AEBP2: variants seen among roughly 807,000 people sequenced by gnomAD.
The protein encoded by AEBP2 is zinc finger protein AEBP2.
In AEBP2, 10 loss-of-function variants were observed where a neutral mutation model predicts 50.8. That is an observed-to-expected ratio of 0.20 (90% CI 0.12 to 0.33). The LOEUF (loss-of-function observed/expected upper bound fraction) is 0.33. Ranked by LOEUF, AEBP2 falls within the 10% of genes least tolerant of loss-of-function variation. The probability of loss-of-function intolerance (pLI) is 1.00; values close to 1 mark genes in which losing one functional copy is unlikely to be tolerated. For missense variants in AEBP2, 570 were observed against 688.0 expected, an observed-to-expected ratio of 0.83 and a Z score of 1.92; for synonymous variants, 296 against 261.3, an observed-to-expected ratio of 1.13 and a Z score of -1.28.
At chr12:19,508,949 G>A (rs553034153) in intron 5 of AEBP2, 4 of 462,300 alleles carry the variant, frequency 8.7e-6, no homozygotes, top group African/African-American at 7.8e-5. Flanking sequence ...CTACAATACA[G>A]CCTCTAACAA....
intron 4 of AEBP2, among the ~76,000 whole-genome samples, chr12:19,497,326 GTGTTTT>G (rs202044016): frequency 4.8e-4 from 29 of 60,254 alleles, no homozygotes; most frequent in African/African-American, 2.2e-3. Flanking sequence ...GTTTCCAAAG[GTGTTTT>G]TTTTTTTTTT....
intron 1 of AEBP2, among the ~76,000 whole-genome samples, chr12:19,433,668 T>C (rs916223022): frequency 1.3e-5 from 2 of 151,610 alleles, no homozygotes; most frequent in East Asian, 2.0e-4. Flanking sequence ...TGATCCCAGC[T>C]ACTCGGGAGG....
At chr12:19,517,539 A>C (rs1383026480) in intron 7 of AEBP2, among the ~76,000 whole-genome samples, 3 of 152,264 alleles carry the variant, frequency 2.0e-5, no homozygotes, top group African/African-American at 7.2e-5. Flanking sequence ...TAAAGTATAC[A>C]GAAGGATGTA....
intron 1 of AEBP2, chr12:19,457,270 TCAC>T (rs1948285425): frequency 1.9e-6 from 3 of 1,585,478 alleles, no homozygotes; most frequent in Non-Finnish European, 2.6e-6. Context: ...AGCTTCAAAT[TCAC>T]CAACACTGGC....
chr12:19,427,628 G>C (rs2095749232), intron 1 of AEBP2, among the ~76,000 whole-genome samples: 1 of 151,474 alleles, frequency 6.6e-6, no homozygotes, highest in Admixed American at 6.6e-5. Context: ...CTTTCCTATT[G>C]CCCTTGTTTC....
At chr12:19,418,456 C>A (rs1340818494) in intron 1 of AEBP2, among the ~76,000 whole-genome samples, 1 of 140,676 alleles carries the variant, frequency 7.1e-6, no homozygotes, top group Non-Finnish European at 1.5e-5. Flanking sequence ...GTCTTGAACT[C>A]CTGGGCTCAA....
intron 3 of AEBP2, among the ~76,000 whole-genome samples, chr12:19,481,092 CTTTTTTTTT>C (rs71067027): frequency 1.4e-5 from 1 of 74,054 alleles, no homozygotes; most frequent in South Asian, 6.9e-4. Context: ...GCAGTGCATC[CTTTTTTTTT>C]TTTTTTTTTT....
chr12:19,509,028 CA>C (rs1949194742), intron 5 of AEBP2: 2 of 576,178 alleles, frequency 3.5e-6, no homozygotes, highest in African/African-American at 1.9e-5. Context: ...GGGAAAGCAC[CA>C]AAATCTGCAT....
At chr12:19,428,040 C>T (rs1252645977) in intron 1 of AEBP2, among the ~76,000 whole-genome samples, 1 of 151,962 alleles carries the variant, frequency 6.6e-6, no homozygotes, top group African/African-American at 2.4e-5. Context: ...AGTTCGAGAC[C>T]AGCCTGGGCA....
intron 1 of AEBP2, chr12:19,457,272 A>G: frequency 1.9e-6 from 3 of 1,584,586 alleles, no homozygotes; most frequent in Admixed American, 1.7e-5. Flanking sequence ...CTTCAAATTC[A>G]CCAACACTGG....
At chr12:19,423,024 C>T (rs959670553) in intron 1 of AEBP2, among the ~76,000 whole-genome samples, 3 of 128,634 alleles carry the variant, frequency 2.3e-5, no homozygotes, top group Non-Finnish European at 3.1e-5. Flanking sequence ...GAGATTGTGC[C>T]ACTGCACTCC....
intron 3 of AEBP2, among the ~76,000 whole-genome samples, chr12:19,475,866 GATTATT>G (rs929035792): frequency 3.9e-5 from 6 of 152,132 alleles, no homozygotes; most frequent in South Asian, 4.1e-4. Context: ...TTTTCGATGG[GATTATT>G]ATTATTTTTT....
chr12:19,456,204 C>T (rs1215666574), intron 1 of AEBP2: 1 of 1,356,936 alleles, frequency 7.4e-7, no homozygotes, highest in Non-Finnish European at 1.0e-6. Flanking sequence ...CATTCTTCCA[C>T]CACTGATTAA....
At chr12:19,412,714 C>T (rs914117582) in intron 1 of AEBP2, among the ~76,000 whole-genome samples, 3 of 152,062 alleles carry the variant, frequency 2.0e-5, no homozygotes, top group African/African-American at 7.2e-5. Context: ...TGTTACAGGA[C>T]AGAGAAATAT....
In AEBP2 at chr12:19,439,943, A is replaced by T. The variant is rs1236438573; in HGVS notation, c.244A>T (p.Met82Leu). ...AGTGGGGGGCGGCGAGGCAGAGACG[A>T]TGTCGGAGCCGAGCCCCGAGAGCGC... ...GGVGGGEAET[M>L]SEPSPESASQ... Residue 82 changes from methionine to leucine, a missense_variant, in exon 1 of 8, where the codon ATG (methionine) becomes TTG (leucine). Coordinates refer to ENST00000266508, the MANE Select transcript of AEBP2 (RefSeq NM_153207.5). 2 of 1,512,470 alleles carry T rather than the reference A, an allele frequency of 1.3e-6. No homozygotes were observed. Among genetic ancestry groups the T allele is most frequent in the Admixed American group, 2.0e-5 (1 of 49,388 alleles). 93.7% of individuals were successfully genotyped at this position (1,512,470 alleles called of 1,614,324 possible).
rs1415607542 is a variant in AEBP2 at position 19,518,292 on chromosome 12, AGTAGACTCTTCG to A, written c.*178_*189del. On this transcript the variant is annotated 3_prime_UTR_variant, in exon 8 of 8. Transcript: ENST00000266508. ...CTTAGTGTAAACATTCTGTGAATGA[AGTAGACTCTTCG>A]GTGGAATATATTAATATATTACTGT... 1.7e-5 allele frequency: 22 copies of A among 1,312,236 alleles called. No individual in the cohort carries two copies. The highest frequency in any genetic ancestry group is 1.9e-5 in the Non-Finnish European group (20 of 1,033,098). The allele number at this position is 1,312,236 out of a possible 1,614,324, so 81.3% of individuals were successfully genotyped here. A position where few individuals can be genotyped will look rare whatever the true frequency, so the allele number is the denominator to read the frequency against.
intron 1 of AEBP2, among the ~76,000 whole-genome samples, chr12:19,455,745 A>G (rs1039652966): frequency 6.6e-6 from 1 of 152,206 alleles, no homozygotes; most frequent in Non-Finnish European, 1.5e-5. Context: ...TTCTAAACTA[A>G]GGGAAAAGAG....
intron 5 of AEBP2, among the ~76,000 whole-genome samples, chr12:19,505,394 A>G (rs746779493): frequency 1.3e-5 from 2 of 152,248 alleles, no homozygotes; most frequent in Non-Finnish European, 2.9e-5. Context: ...ATGTAATGAC[A>G]TAGCAGTGAA....
chr12:19,466,634 A>T (rs1329008198), intron 2 of AEBP2: 1 of 196,164 alleles, frequency 5.1e-6, no homozygotes, highest in Non-Finnish European at 9.2e-6. Flanking sequence ...CCACAGTTCT[A>T]CTTTCTATCT....
Sources: gnomAD v4.1 joint callset for allele counts (sites outside exome capture counted in the v4.1 genomes callset) on GRCh38, gnomAD v4.1.1 for gene constraint, MANE v1.5 for transcripts, NCBI Gene and HGNC (gene_info 2026-07-23, HGNC 2026-07-21) for gene names.